Variants in MYO1G observed in about 807,000 individuals in gnomAD.
MYO1G encodes the protein unconventional myosin-Ig.
Under a neutral mutation model 115.3 loss-of-function variants are expected in MYO1G, and 65 were observed. That is an observed-to-expected ratio of 0.56 (90% CI 0.46 to 0.69). The LOEUF is 0.69. Ranked by LOEUF, MYO1G falls within the 30% of genes least tolerant of loss-of-function variation. The probability of loss-of-function intolerance (pLI) is 0.00; values close to 1 mark genes in which losing one functional copy is unlikely to be tolerated. For missense variants in MYO1G, 1,204 were observed against 1,393.5 expected, an observed-to-expected ratio of 0.86 and a Z score of 2.16; for synonymous variants, 510 against 552.6, an observed-to-expected ratio of 0.92 and a Z score of 1.08.
chr7:44,970,781 C>G lies in MYO1G; in HGVS notation c.1072-44G>C, dbSNP rs148229140. On this transcript the variant is annotated intron_variant, in intron 8 of 21. Transcript: ENST00000258787. ...CTGCTTCCTGCTGCCTCTGGCCTGGCCTCCCCCATGAAGGCCTCCTGGGCT... is the reference window on the plus strand; with the variant it reads ...CTGCTTCCTGCTGCCTCTGGCCTGGGCTCCCCCATGAAGGCCTCCTGGGCT... The G allele has an allele frequency of 2.8e-4, 447 of 1,613,480 alleles. 1 individual carries two copies. The African/African-American group carries it at 4.9e-3, about 18-fold the overall frequency.
Position 44,969,174 on chromosome 7 carries a change from A to G in MYO1G, c.1574+239T>C. On this transcript the variant is annotated intron_variant, in intron 12 of 21. Transcript: ENST00000258787. This position sits in a 1 kb window ranked among gnomAD's most constrained non-coding sequence, Gnocchi z 5.0. ...TTGGGCCCAGACATGAGACGTGGGT[A>G]TTTTTTAAAGGCTCCCAGAAGAATG... 4.1e-6 allele frequency: 2 copies of G among 484,154 alleles called. No individual in the cohort carries two copies. The highest frequency in any genetic ancestry group is 3.2e-5 in the Admixed American group (1 of 30,864). The allele number at this position is 484,154 out of a possible 1,614,324, so 30.0% of individuals were successfully genotyped here. A position where few individuals can be genotyped will look rare whatever the true frequency, so the allele number is the denominator to read the frequency against.
At position 44,977,143 on chromosome 7, in the gene MYO1G, T is replaced by C. The variant is rs1795070355; in HGVS notation, c.96-72A>G. ...CCCACAGGCCTTTCGCCAGAGCCCA[T>C]ATCAGGGCCTGGCCCCAGTAGGCCA... On this transcript the variant is annotated intron_variant, in intron 1 of 21. Coordinates refer to ENST00000258787, the MANE Select transcript of MYO1G (RefSeq NM_033054.3). 4 of 1,455,590 alleles carry C rather than the reference T, an allele frequency of 2.7e-6. No individual in the cohort carries two copies. In the South Asian group the frequency reaches 3.7e-5, roughly 14 times the overall value. 90.2% of individuals were successfully genotyped at this position (1,455,590 alleles called of 1,614,324 possible).
At position 44,971,698 on chromosome 7, in the gene MYO1G, C is replaced by T. The variant is rs750882648; in HGVS notation, c.821G>A (p.Arg274His). Reference sequence around the variant, plus strand: ...CAGGTGCAATATGGCAGCCAGGATGCGATGCACAGACTCCACCTCTTCAGG... The same window carrying T: ...CAGGTGCAATATGGCAGCCAGGATGTGATGCACAGACTCCACCTCTTCAGG... ...FSPEEVESVH[R>H]ILAAILHLGN... Residue 274 changes from arginine to histidine, a missense_variant, in exon 7 of 22, where the codon CGC becomes CAC. Physicochemically the swap from Arg to His is conservative, Grantham distance 29. Transcript: ENST00000258787. 4.5e-6 allele frequency: 7 copies of T among 1,557,854 alleles called. No homozygotes were observed. In the East Asian group the frequency reaches 9.5e-5, roughly 21 times the overall value.
chr7:44,964,557 T>C lies in MYO1G; in HGVS notation c.2527-38A>G, dbSNP rs766721090. On this transcript the variant is annotated intron_variant, in intron 18 of 21. Coordinates refer to ENST00000258787, the MANE Select transcript of MYO1G (RefSeq NM_033054.3). This position sits in a 1 kb window ranked among gnomAD's most constrained non-coding sequence, Gnocchi z 5.1. ...GGAGGGGAGGGGGCGCTGCTTGGGATTGAGTCATGGGACCAGACTCAATTG... is the reference window on the plus strand; with the variant it reads ...GGAGGGGAGGGGGCGCTGCTTGGGACTGAGTCATGGGACCAGACTCAATTG... 2.6e-6 allele frequency: 4 copies of C among 1,531,342 alleles called. No homozygotes were observed. The highest frequency in any genetic ancestry group is 2.3e-5 in the East Asian group (1 of 44,258). 94.9% of individuals were successfully genotyped at this position (1,531,342 alleles called of 1,614,324 possible).
intron 6 of MYO1G, 122 bp downstream of exon 6, chr7:44,971,993 T>A: frequency 1.2e-6 from 1 of 853,492 alleles, no homozygotes; most frequent in Non-Finnish European, 1.9e-6. Context: ...CCGAGCACCC[T>A]CCCCACTCAC....
Position 44,971,733 on chromosome 7 carries a change from G to A in MYO1G, c.786C>T (p.Ile262=), listed in dbSNP as rs1335184645. 3.2e-6 allele frequency: 5 copies of A among 1,556,528 alleles called. No individual in the cohort carries two copies. The highest frequency in any genetic ancestry group is 2.4e-5 in the East Asian group (1 of 41,540). The part of the protein sequence containing the change: ...HQAVTEAMRV[I]GFSPEEVESV... ...ACTCCACCTCTTCAGGACTGAAGCC[G>A]ATGACCCTCATGGCCTCGGTCACTG... The change falls in exon 7 of 22, where the codon ATC becomes ATT. Residue 262 remains isoleucine, a synonymous_variant. Transcript: ENST00000258787.
chr7:44,977,392 TGCC>T (rs1795075604), intron 1 of MYO1G, among the ~76,000 whole-genome samples: 1 of 152,168 alleles, frequency 6.6e-6, no homozygotes, highest in South Asian at 2.1e-4. Context: ...CTGCACTGGG[TGCC>T]GTGAGTCAGG....
rs1168744426 is a variant in MYO1G at position 44,967,705 on chromosome 7, T to C, written c.1682A>G (p.Asp561Gly). ...TDPTLRAMWP[D>G]GQQDITEVTK... The stretch of plus-strand genomic sequence containing the variant: ...CACCTCTGTGATGTCCTGCTGCCCG[T>C]CCGGCCACATGGCCCGTAGAGTGGG... Residue 561 changes from aspartate (D) to glycine (G), a missense_variant, in exon 14 of 22, where the codon GAC becomes GGC. Transcript: ENST00000258787. 6.2e-7 allele frequency: 1 copy of C among 1,613,552 alleles called. No individual in the cohort carries two copies. Among genetic ancestry groups the C allele is most frequent in the African/African-American group, 1.3e-5 (1 of 74,934 alleles).
chr7:44,969,528 G>T lies in MYO1G; in HGVS notation c.1504-45C>A. 6.2e-7 allele frequency: 1 copy of T among 1,606,092 alleles called. No homozygotes were observed. Among genetic ancestry groups the T allele is most frequent in the Non-Finnish European group, 8.5e-7 (1 of 1,173,192 alleles). Reference sequence around the variant, plus strand: ...TCAAGGCACAAAAGGTATGTGGAGGGTCTGTATGAAGGGATAGCCCTGCCT... The same window carrying T: ...TCAAGGCACAAAAGGTATGTGGAGGTTCTGTATGAAGGGATAGCCCTGCCT... On this transcript the variant is annotated intron_variant, in intron 11 of 21. Transcript: ENST00000258787. The surrounding 1 kb of genome is among the most constrained non-coding windows in gnomAD (Gnocchi z 5.0).
intron 14 of MYO1G, 58 bp downstream of exon 14, chr7:44,967,547 C>T (rs1345304471): frequency 1.9e-6 from 3 of 1,606,280 alleles, no homozygotes; most frequent in East Asian, 2.2e-5. Context: ...CTACTTGGCA[C>T]CGAGGGCACA....
intron 5 of MYO1G, 136 bp from the exon 6 acceptor site, chr7:44,972,361 G>A: frequency 1.5e-6 from 1 of 670,172 alleles, no homozygotes; most frequent in Non-Finnish European, 2.7e-6. Context: ...GTCAGACAGT[G>A]TGAACAGTTT....
chr7:44,971,305 A>G (rs1324525793), intron 7 of MYO1G, among the ~76,000 whole-genome samples: 1 of 151,904 alleles, frequency 6.6e-6, no homozygotes, highest in Admixed American at 6.6e-5. Flanking sequence ...CATGTGAATG[A>G]CCCCATCGCA....
chr7:44,977,018 T>C lies in MYO1G; in HGVS notation c.149A>G (p.Asn50Ser). Reference sequence around the variant, plus strand: ...ATACAGGGGCAGCTCCTGGTAGGGGTTCACGGACACCAGCACCTCACCGAT... The same window carrying C: ...ATACAGGGGCAGCTCCTGGTAGGGGCTCACGGACACCAGCACCTCACCGAT... ...TYIGEVLVSV[N>S]PYQELPLYGP... Residue 50 changes from asparagine to serine, a missense_variant, in exon 2 of 22, where the codon AAC becomes AGC. Asn to Ser is a conservative substitution (Grantham distance 46). Coordinates refer to ENST00000258787, the MANE Select transcript of MYO1G (RefSeq NM_033054.3). The C allele has an allele frequency of 6.2e-7, 1 of 1,613,396 alleles. No homozygotes were observed. Among genetic ancestry groups the C allele is most frequent in the Non-Finnish European group, 8.5e-7 (1 of 1,179,960 alleles).
At chr7:44,972,360 T>C (rs987945188) in intron 5 of MYO1G, 135 bp from the exon 6 acceptor site, 3 of 670,162 alleles carry the variant, frequency 4.5e-6, no homozygotes, top group Non-Finnish European at 8.0e-6. Context: ...GGTCAGACAG[T>C]GTGAACAGTT....
In MYO1G at chr7:44,964,212, A is replaced by G; in HGVS notation, c.2632-50T>C. 6.6e-7 allele frequency: 1 copy of G among 1,508,634 alleles called. No individual in the cohort carries two copies. Among genetic ancestry groups the G allele is most frequent in the Non-Finnish European group, 9.0e-7 (1 of 1,105,124 alleles). The allele number at this position is 1,508,634 out of a possible 1,614,324, so 93.5% of individuals were successfully genotyped here. A position where few individuals can be genotyped will look rare whatever the true frequency, so the allele number is the denominator to read the frequency against. Reference sequence around the variant, plus strand: ...GGCTGGTGCTGCCCTGTCACCCACCAGGGCCCCAGGCTTCGGCAGTCCCTA... The same window carrying G: ...GGCTGGTGCTGCCCTGTCACCCACCGGGGCCCCAGGCTTCGGCAGTCCCTA... On this transcript the variant is annotated intron_variant, in intron 19 of 21. Transcript: ENST00000258787. The surrounding 1 kb of genome is among the most constrained non-coding windows in gnomAD (Gnocchi z 5.1).
At chr7:44,975,030 G>T in intron 5 of MYO1G, 144 bp downstream of exon 5, 1 of 819,958 alleles carries the variant, frequency 1.2e-6, no homozygotes. Context: ...AGTGTGGTGG[G>T]GAGTGAGGAC....
intron 4 of MYO1G, 98 bp from the exon 5 acceptor site, chr7:44,975,325 G>A: frequency 6.6e-7 from 1 of 1,521,064 alleles, no homozygotes; most frequent in East Asian, 2.3e-5. Flanking sequence ...CTGGGGGTCA[G>A]AGAGTCCTGA....
At position 44,969,264 on chromosome 7, in the gene MYO1G, G is replaced by T; in HGVS notation, c.1574+149C>A. On this transcript the variant is annotated intron_variant, in intron 12 of 21. Transcript: ENST00000258787. This position sits in a 1 kb window ranked among gnomAD's most constrained non-coding sequence, Gnocchi z 5.0. ...CTCTTCACTTGTGAATCTGCTGTCC[G>T]GCATGTTTCAGTGTCTTAAAGGGGT... 1.4e-6 allele frequency: 1 copy of T among 729,704 alleles called. No individual in the cohort carries two copies. The allele number at this position is 729,704 out of a possible 1,614,324, so 45.2% of individuals were successfully genotyped here. A position where few individuals can be genotyped will look rare whatever the true frequency, so the allele number is the denominator to read the frequency against.
Position 44,966,333 on chromosome 7 carries a change from AGCCCACCCT to A in MYO1G, c.1950-62_1950-54del. On this transcript the variant is annotated intron_variant, in intron 15 of 21. Transcript: ENST00000258787. The surrounding 1 kb of genome is among the most constrained non-coding windows in gnomAD (Gnocchi z 5.0). Reference sequence around the variant, plus strand: ...CCCAGGCCTGGGGGAGAGATGATGGAGCCCACCCTGCCCACCCCACACCTGGGGAGATGG... The same window carrying A: ...CCCAGGCCTGGGGGAGAGATGATGGAGCCCACCCCACACCTGGGGAGATGG... The A allele has an allele frequency of 3.4e-6, 5 of 1,490,594 alleles. No individual in the cohort carries two copies. In the South Asian group the frequency reaches 4.8e-5, roughly 14 times the overall value. 92.3% of individuals were successfully genotyped at this position (1,490,594 alleles called of 1,614,324 possible).
Sources: allele counts gnomAD v4.1 joint callset (sites outside exome capture counted in the v4.1 genomes callset), GRCh38; gene constraint gnomAD v4.1.1; non-coding constraint Gnocchi (gnomAD v3.1); transcripts MANE v1.5; gene names NCBI Gene and HGNC (gene_info 2026-07-23, HGNC 2026-07-21).